Variants in RNF17 observed in about 807,000 individuals in gnomAD.
The protein encoded by RNF17 is ring finger protein 17, also known as spermatogenesis associated 23.
Under a neutral mutation model 200.5 loss-of-function variants are expected in RNF17, and 31 were observed. The ratio of observed to expected loss-of-function variants is 0.15; its 90% CI spans 0.12 to 0.21. The LOEUF (loss-of-function observed/expected upper bound fraction) is 0.21. RNF17 is among the 10% of genes least tolerant of loss of function. The pLI is 1.00. For missense variants in RNF17, 1,628 were observed against 1,905.1 expected, an observed-to-expected ratio of 0.85 and a Z score of 2.71; for synonymous variants, 606 against 637.8, an observed-to-expected ratio of 0.95 and a Z score of 0.75.
At position 24,822,885 on chromosome 13, in the gene RNF17, C is replaced by G. The variant is rs377001809; in HGVS notation, c.2092-2734C>G. 2.6e-5 allele frequency among the ~76,000 whole-genome samples: 4 copies of G among 152,320 alleles called. No homozygotes were observed. The South Asian group carries it at 6.2e-4, about 24-fold the overall frequency. On this transcript the variant is annotated intron_variant, in intron 15 of 35. Transcript: ENST00000255324. ...CCCTTTTCAGGATTACTGCTTACTT[C>G]TGGTTTTCAGTGAGGTCAGGAATTC...
downstream of RNF17, among the ~76,000 whole-genome samples, chr13:24,880,326 C>T (rs1953776722): frequency 6.6e-6 from 1 of 152,180 alleles, no homozygotes; most frequent in African/African-American, 2.4e-5. Flanking sequence ...GGGGAAACCA[C>T]CCCCGTGATC....
intron 6 of RNF17, among the ~76,000 whole-genome samples, chr13:24,786,997 T>G (rs868793938): frequency 6.6e-6 from 1 of 152,192 alleles, no homozygotes; most frequent in Non-Finnish European, 1.5e-5. Flanking sequence ...CTCTGTTTAC[T>G]TCTCTTCATT....
downstream of RNF17, among the ~76,000 whole-genome samples, chr13:24,881,565 G>T (rs1024192920): frequency 6.6e-6 from 1 of 151,624 alleles, no homozygotes; most frequent in African/African-American, 2.4e-5. Context: ...ATATTCTAGA[G>T]ATATCTCAGG....
Position 24,854,157 on chromosome 13 carries a change from A to G in RNF17, c.3610+13A>G, listed in dbSNP as rs755695639. On this transcript the variant is annotated intron_variant, in intron 25 of 35. Coordinates refer to ENST00000255324, the MANE Select transcript of RNF17 (RefSeq NM_031277.3). ...CCTAAACTATCAGGTGAGACCTTCT[A>G]TGTTATGTAGGCTCTAGTTCTCTAG... is the stretch of plus-strand genomic sequence containing the variant. The G allele has an allele frequency of 6.9e-6, 11 of 1,592,548 alleles. No individual in the cohort carries two copies. The highest frequency in any genetic ancestry group is 2.2e-5 in the East Asian group (1 of 44,678).
rs2137722256 is a variant in RNF17, at chr13:24,800,444, G to A, written c.1668G>A (p.Arg556=). The part of the protein sequence containing the change: ...IALNDLCLVL[R]KSEPYTEGLL... ...TAAATGATTTATGTCTGGTTCTAAG[G>A]AAATCTGAACCATATACTGAAGGGC... The change falls in exon 13 of 36, where the codon AGG becomes AGA. Residue 556 remains arginine (R), a synonymous_variant. Transcript: ENST00000255324. 6.2e-7 allele frequency: 1 copy of A among 1,612,868 alleles called. No homozygotes were observed. Among genetic ancestry groups the A allele is most frequent in the Non-Finnish European group, 8.5e-7 (1 of 1,179,134 alleles).
chr13:24,777,845 G>A (rs1881778920), intron 3 of RNF17, among the ~76,000 whole-genome samples: 1 of 151,952 alleles, frequency 6.6e-6, no homozygotes, highest in Non-Finnish European at 1.5e-5. Flanking sequence ...TCCCACTTAT[G>A]GTTAATTGGT....
chr13:24,775,134 A>G (rs1380923869), intron 3 of RNF17, among the ~76,000 whole-genome samples: 1 of 152,234 alleles, frequency 6.6e-6, no homozygotes, highest in African/African-American at 2.4e-5. Context: ...GTTAAGGATT[A>G]CCACATCAAG....
At position 24,831,962 on chromosome 13, in the gene RNF17, G is replaced by T; in HGVS notation, c.2466G>T (p.Met822Ile). The change falls in exon 18 of 36, where the codon ATG becomes ATT. Residue 822 changes from methionine (M) to isoleucine (I), a missense_variant. Physicochemically the swap from Met to Ile is conservative, Grantham distance 10. Transcript: ENST00000255324. ...KFEEKAQDKF[M>I]TCSVIKILED... ...AAGAAAAGGCTCAAGATAAATTTAT[G>T]ACATGTTCAGTTATCAGTAAGTTCC... is the stretch of plus-strand genomic sequence containing the variant. 6.3e-7 allele frequency: 1 copy of T among 1,581,594 alleles called. No individual in the cohort carries two copies. The highest frequency in any genetic ancestry group is 1.1e-5 in the South Asian group (1 of 88,024).
At chr13:24,821,366 C>T (rs1425753558) in intron 15 of RNF17, among the ~76,000 whole-genome samples, 1 of 152,142 alleles carries the variant, frequency 6.6e-6, no homozygotes, top group African/African-American at 2.4e-5. Context: ...CAACTCCTAA[C>T]ATTAGACTTC....
intron 25 of RNF17, among the ~76,000 whole-genome samples, chr13:24,854,927 A>G (rs1388072348): frequency 6.6e-6 from 1 of 152,178 alleles, no homozygotes; most frequent in Non-Finnish European, 1.5e-5. Context: ...ACCTAAGCAG[A>G]CTTGTGTTGC....
chr13:24,822,730 C>G (rs969638778), intron 15 of RNF17, among the ~76,000 whole-genome samples: 1 of 152,132 alleles, frequency 6.6e-6, no homozygotes, highest in Non-Finnish European at 1.5e-5. Context: ...TCAGTAATTT[C>G]TTTTTAACTC....
intron 15 of RNF17, chr13:24,824,397 G>GT: frequency 2.4e-6 from 1 of 412,864 alleles, no homozygotes; most frequent in East Asian, 3.6e-5. Context: ...TAGTTTTAAA[G>GT]TAATTTAAAT....
At position 24,788,159 on chromosome 13, in the gene RNF17, G is replaced by T; in HGVS notation, c.783G>T (p.Gln261His). 6.3e-7 allele frequency: 1 copy of T among 1,577,666 alleles called. No individual in the cohort carries two copies. The highest frequency in any genetic ancestry group is 8.6e-7 in the Non-Finnish European group (1 of 1,168,256). The change falls in exon 7 of 36, where the codon CAG (glutamine) becomes CAT (histidine). Residue 261 changes from glutamine (Q) to histidine (H), a missense_variant and splice_region_variant. Transcript: ENST00000255324. The part of the protein sequence containing the change: ...PSLRTYCDLN[Q>H]IIRTLQLTSD... ...TAAGAACATACTGTGACCTGAATCAGGTAATTTAATAGTTCACAATGTGAG... is the reference window on the plus strand; with the variant it reads ...TAAGAACATACTGTGACCTGAATCATGTAATTTAATAGTTCACAATGTGAG...
intron 17 of RNF17, among the ~76,000 whole-genome samples, chr13:24,831,490 T>C (rs1271909339): frequency 1.7e-4 from 26 of 152,170 alleles, no homozygotes; most frequent in Admixed American, 1.7e-3. Flanking sequence ...AGAATCATTG[T>C]TCAATATTTT....
intron 23 of RNF17, among the ~76,000 whole-genome samples, chr13:24,851,081 G>T (rs1050932582): frequency 2.0e-5 from 3 of 152,102 alleles, no homozygotes; most frequent in Non-Finnish European, 4.4e-5. Flanking sequence ...CGCAATCTCC[G>T]ACTCCCAGGT....
chr13:24,820,121 CTTT>C (rs200683421), intron 15 of RNF17, among the ~76,000 whole-genome samples: 18,992 of 112,774 alleles, frequency 0.17, 1,055 homozygotes, highest in African/African-American at 0.24. Flanking sequence ...TTTCTTTTTT[CTTT>C]TTTTTTTTTT....
chr13:24,859,224 T>G, intron 26 of RNF17, 60 bp downstream of exon 26: 1 of 1,237,252 alleles, frequency 8.1e-7, no homozygotes, highest in Non-Finnish European at 1.1e-6. Flanking sequence ...TTAAATAGTC[T>G]TGTGCATTTG....
chr13:24,859,827 G>GT (rs1229966981), intron 26 of RNF17, among the ~76,000 whole-genome samples: 1 of 151,682 alleles, frequency 6.6e-6, no homozygotes, highest in East Asian at 1.9e-4. Flanking sequence ...AGCACTTCAG[G>GT]TTTTTTAGCT....
chr13:24,748,184 C>G, the RNF17 span, among the ~76,000 whole-genome samples: 3 of 152,378 alleles, frequency 2.0e-5, no homozygotes, highest in Admixed American at 1.3e-4. Context: ...TTATTCACCC[C>G]TAATTGAGTT....
Sources: gnomAD v4.1 joint callset for allele counts (sites outside exome capture counted in the v4.1 genomes callset) on GRCh38, gnomAD v4.1.1 for gene constraint, MANE v1.5 for transcripts, NCBI Gene and HGNC (gene_info 2026-07-23, HGNC 2026-07-21) for gene names.